Variants in TXNDC11 observed in about 807,000 individuals in gnomAD.
The protein encoded by TXNDC11 is thioredoxin domain-containing protein 11.
Under a neutral mutation model 78.0 loss-of-function variants are expected in TXNDC11, and 68 were observed. The ratio of observed to expected loss-of-function variants is 0.87; its 90% CI spans 0.72 to 1.07. The LOEUF (loss-of-function observed/expected upper bound fraction) is 1.07. Ranked by LOEUF, TXNDC11 falls within the 50% of genes least tolerant of loss-of-function variation. TXNDC11 has a pLI of 0.00. For missense variants in TXNDC11, 1,389 were observed against 1,221.8 expected, an observed-to-expected ratio of 1.14 and a Z score of -2.04; for synonymous variants, 571 against 495.2, an observed-to-expected ratio of 1.15 and a Z score of -2.03.
intron 7 of TXNDC11, among the ~76,000 whole-genome samples, chr16:11,693,457 C>CTG (rs146263426): frequency 1.1e-3 from 162 of 151,044 alleles, no homozygotes; most frequent in Admixed American, 2.5e-3. Flanking sequence ...TTTTGTTTCG[C>CTG]TGTGTGTGTG....
intron 5 of TXNDC11, among the ~76,000 whole-genome samples, chr16:11,702,207 G>T (rs2051051014): frequency 1.3e-5 from 2 of 151,978 alleles, no homozygotes; most frequent in South Asian, 4.1e-4. Context: ...AACATCAACA[G>T]GGACCTTATC....
chr16:11,687,737 G>T (rs982421064), intron 10 of TXNDC11, 120 bp downstream of exon 10: 5 of 687,088 alleles, frequency 7.3e-6, no homozygotes, highest in Middle Eastern at 3.3e-4. Context: ...ATTAAATTCA[G>T]CCAAGTCCTA....
intron 5 of TXNDC11, among the ~76,000 whole-genome samples, chr16:11,712,170 C>T (rs2051381095): frequency 1.3e-5 from 2 of 152,122 alleles, no homozygotes; most frequent in Non-Finnish European, 2.9e-5. Context: ...TAGAAAATAT[C>T]ACTACATAAT....
intron 4 of TXNDC11, among the ~76,000 whole-genome samples, chr16:11,725,215 T>C (rs1317475764): frequency 6.6e-6 from 1 of 152,204 alleles, no homozygotes; most frequent in Non-Finnish European, 1.5e-5. Context: ...GCCTGAATAT[T>C]GTGACTATCA....
intron 3 of TXNDC11, among the ~76,000 whole-genome samples, chr16:11,732,757 G>A (rs185520934): frequency 3.1e-4 from 47 of 152,272 alleles, no homozygotes; most frequent in African/African-American, 1.1e-3. Context: ...CCAGACAACA[G>A]TTTATGTTAC....
chr16:11,720,416 A>ATTTTT (rs35998980), intron 5 of TXNDC11, among the ~76,000 whole-genome samples: 1 of 140,658 alleles, frequency 7.1e-6, no homozygotes, highest in Non-Finnish European at 1.5e-5. Flanking sequence ...TGATGTAATA[A>ATTTTT]TTTTTTTTTT....
chr16:11,709,822 G>C (rs984059755), intron 5 of TXNDC11, among the ~76,000 whole-genome samples: 4 of 152,148 alleles, frequency 2.6e-5, no homozygotes, highest in African/African-American at 9.7e-5. Context: ...ATAAACTGTA[G>C]TACTAAATAC....
At chr16:11,730,125 A>C (rs2052004248) in intron 4 of TXNDC11, among the ~76,000 whole-genome samples, 1 of 152,150 alleles carries the variant, frequency 6.6e-6, no homozygotes. Flanking sequence ...CCAGGGGTTG[A>C]AGTTGGCAGT....
intron 3 of TXNDC11, 144 bp downstream of exon 3, chr16:11,733,838 C>T: frequency 3.2e-6 from 2 of 617,220 alleles, no homozygotes; most frequent in Admixed American, 6.7e-5. Context: ...TTATCCAGAT[C>T]TTTCTTTTTT....
chr16:11,741,144 C>G (rs117032079), intron 1 of TXNDC11, among the ~76,000 whole-genome samples: 1 of 152,174 alleles, frequency 6.6e-6, no homozygotes, highest in Non-Finnish European at 1.5e-5. Context: ...ATGGAAAATG[C>G]TCACTGAGAG....
At position 11,736,071 on chromosome 16, in the gene TXNDC11, C is replaced by T. The variant is rs1280304321; in HGVS notation, c.417G>A (p.Gln139=). Residue 139 remains glutamine, a synonymous_variant, in exon 2 of 12, where the codon CAG becomes CAA. Coordinates refer to ENST00000283033, the MANE Select transcript of TXNDC11 (RefSeq NM_015914.7). The part of the protein sequence containing the change: ...LLFFYAPWCG[Q]SIAARAEIEQ... ...CAATTTCTGCCCTGGCAGCGATGGA[C>T]TGTCCACACCAAGGGGCATAGAAGA... 3 of 1,614,080 alleles carry T rather than the reference C, an allele frequency of 1.9e-6. No individual in the cohort carries two copies. The highest frequency in any genetic ancestry group is 2.7e-5 in the African/African-American group (2 of 74,926).
intron 5 of TXNDC11, among the ~76,000 whole-genome samples, chr16:11,710,693 T>A (rs2051324701): frequency 6.6e-6 from 1 of 152,036 alleles, no homozygotes; most frequent in African/African-American, 2.4e-5. Context: ...CTACAAAAAT[T>A]AACTGGGTGT....
At chr16:11,732,405 A>G (rs1597493067) in intron 3 of TXNDC11, among the ~76,000 whole-genome samples, 3 of 152,202 alleles carry the variant, frequency 2.0e-5, no homozygotes, top group African/African-American at 7.2e-5. Flanking sequence ...GGACCTCAGC[A>G]GGGCAAGCTC....
At chr16:11,738,516 C>T (rs901778078) in intron 1 of TXNDC11, among the ~76,000 whole-genome samples, 2 of 152,150 alleles carry the variant, frequency 1.3e-5, no homozygotes, top group African/African-American at 4.8e-5. Context: ...TAAATGCTCA[C>T]TATGTGAAAA....
chr16:11,728,535 C>G (rs1011084828), intron 4 of TXNDC11, among the ~76,000 whole-genome samples: 1 of 152,160 alleles, frequency 6.6e-6, no homozygotes, highest in Non-Finnish European at 1.5e-5. Flanking sequence ...GTACATCACT[C>G]TAAGTGGGCT....
chr16:11,706,468 G>A (rs1258338897), intron 5 of TXNDC11, among the ~76,000 whole-genome samples: 1 of 152,202 alleles, frequency 6.6e-6, no homozygotes, highest in Non-Finnish European at 1.5e-5. Context: ...GCATGGGCTG[G>A]GGAACCAGCA....
At chr16:11,690,719 A>AT (rs760956648) in intron 8 of TXNDC11, 1,692 of 143,600 alleles carry the variant, frequency 0.012, 19 homozygotes, top group African/African-American at 0.027. Flanking sequence ...CGCCCGGCTA[A>AT]TTTTTTTTTT....
chr16:11,692,091 C>A lies in TXNDC11; in HGVS notation c.1108-9G>T. Reference sequence around the variant, plus strand: ...AAGGCCACTTCGGTGATCTGAAATACAGGGCAGAGTTGGTGAAGGGCTTGG... The same window carrying A: ...AAGGCCACTTCGGTGATCTGAAATAAAGGGCAGAGTTGGTGAAGGGCTTGG... On this transcript the variant is annotated splice_polypyrimidine_tract_variant and intron_variant, in intron 7 of 11. Transcript: ENST00000283033. The A allele has an allele frequency of 6.6e-7, 1 of 1,519,738 alleles. No homozygotes were observed. Among genetic ancestry groups the A allele is most frequent in the Non-Finnish European group, 8.8e-7 (1 of 1,134,778 alleles). 94.1% of individuals were successfully genotyped at this position (1,519,738 alleles called of 1,614,324 possible).
At chr16:11,686,416 A>G (rs1316071342) in intron 10 of TXNDC11, among the ~76,000 whole-genome samples, 1 of 152,254 alleles carries the variant, frequency 6.6e-6, no homozygotes, top group Non-Finnish European at 1.5e-5. Context: ...AAACAATGCT[A>G]TAATGATGAG....
Sources: gnomAD v4.1 joint callset for allele counts (sites outside exome capture counted in the v4.1 genomes callset) on GRCh38, gnomAD v4.1.1 for gene constraint, MANE v1.5 for transcripts, NCBI Gene and HGNC (gene_info 2026-07-23, HGNC 2026-07-21) for gene names.